GPHN: variants seen among roughly 807,000 people sequenced by gnomAD.
GPHN encodes the protein gephyrin.
Under a neutral mutation model 95.5 loss-of-function variants are expected in GPHN, and 17 were observed. That is an observed-to-expected ratio of 0.18 (90% CI 0.12 to 0.27). GPHN has a LOEUF of 0.27. Ranked by LOEUF, GPHN falls within the 10% of genes least tolerant of loss-of-function variation. The pLI, the probability that GPHN is intolerant of heterozygous loss-of-function variation, is 1.00. For missense variants in GPHN, 660 were observed against 978.1 expected (o/e 0.67, Z 4.34); for synonymous variants, 320 against 322.5 (o/e 0.99, Z 0.08).
Position 66,987,885 on chromosome 14 carries a change from G to A in GPHN, c.963+22560G>A, listed in dbSNP as rs544332151. ...ATTTTTAAAAGGAAAAAGGAAAACC[G>A]AAAAGAGAACAAGTTGCTTTTTCAA... On this transcript the variant is annotated intron_variant, in intron 9 of 22. Coordinates refer to ENST00000478722, the MANE Select transcript of GPHN (RefSeq NM_020806.5). Among the ~76,000 whole-genome samples the A allele has an allele frequency of 4.6e-5, 7 of 152,162 alleles. No individual in the cohort carries two copies. The South Asian group carries it at 1.0e-3, about 23-fold the overall frequency.
intron 1 of GPHN, among the ~76,000 whole-genome samples, chr14:66,517,095 T>C (rs1159634448): frequency 1.7e-5 from 2 of 117,854 alleles, no homozygotes; most frequent in African/African-American, 6.8e-5. Context: ...GCCACTGTAC[T>C]CCAGCCTGGC....
rs2057894113 is a variant in GPHN, at chr14:66,508,684, G to A, written c.64+93G>A. The A allele has an allele frequency of 5.2e-6, 6 of 1,143,270 alleles. 1 individual carries two copies. In the Middle Eastern group the frequency reaches 5.8e-4, roughly 111 times the overall value. The allele number at this position is 1,143,270 out of a possible 1,614,324, so 70.8% of individuals were successfully genotyped here. On this transcript the variant is annotated intron_variant, in intron 1 of 22. Transcript: ENST00000478722. ...GTGGTGGCCCTTCTCTGCGGCCTCG[G>A]GAGGAGGGAAGGCTGAAGAAGGGAA... is the stretch of plus-strand genomic sequence containing the variant.
chr14:66,595,271 A>G (rs1474229802), intron 1 of GPHN, among the ~76,000 whole-genome samples: 11 of 152,238 alleles, frequency 7.2e-5, no homozygotes, highest in Non-Finnish European at 1.3e-4. Context: ...TAGAACTATC[A>G]TGTCATCCAA....
the GPHN span, chr14:67,650,614 CTT>C: frequency 1.1e-5 from 12 of 1,085,760 alleles, no homozygotes; most frequent in South Asian, 4.0e-5. Context: ...AAAATGGACT[CTT>C]GTTTTTACTT....
At chr14:67,367,835 CAA>C in the GPHN span, among the ~76,000 whole-genome samples, 8 of 130,936 alleles carry the variant, frequency 6.1e-5, no homozygotes, top group Non-Finnish European at 9.9e-5. Flanking sequence ...GACCTTGTCT[CAA>C]AAAAAAAAAA....
chr14:66,996,285 AT>A, intron 9 of GPHN: 1 of 1,044,826 alleles, frequency 9.6e-7, no homozygotes, highest in Non-Finnish European at 1.4e-6. Flanking sequence ...TTCTCATTTT[AT>A]TTTCCTTTCG....
chr14:66,874,940 C>T (rs2064232157), intron 4 of GPHN, among the ~76,000 whole-genome samples: 1 of 152,008 alleles, frequency 6.6e-6, no homozygotes, highest in African/African-American at 2.4e-5. Flanking sequence ...GAGAGCAACC[C>T]CAAGACACAT....
chr14:67,523,869 ATG>A, the GPHN span, among the ~76,000 whole-genome samples: 1 of 152,008 alleles, frequency 6.6e-6, no homozygotes, highest in Non-Finnish European at 1.5e-5. Flanking sequence ...ATGGGCAGTA[ATG>A]TCAGGTATAG....
chr14:67,669,738 T>C, the GPHN span, among the ~76,000 whole-genome samples: 68,395 of 152,008 alleles, frequency 0.45, 17,935 homozygotes, highest in Non-Finnish European at 0.61. Context: ...AGTGAAAAAA[T>C]GCAGACACCC....
At chr14:66,772,351 G>T (rs746625607) in intron 2 of GPHN, among the ~76,000 whole-genome samples, 2 of 152,198 alleles carry the variant, frequency 1.3e-5, no homozygotes, top group East Asian at 1.9e-4. Context: ...TTTAATCTTT[G>T]ACCTCGTGGT....
chr14:67,121,766 A>G (rs1400022172), intron 16 of GPHN, among the ~76,000 whole-genome samples: 1 of 152,318 alleles, frequency 6.6e-6, no homozygotes, highest in African/African-American at 2.4e-5. Flanking sequence ...TCTCCTTCAC[A>G]TAAGCTTAGC....
the GPHN span, chr14:67,578,519 C>T: frequency 6.3e-7 from 1 of 1,582,604 alleles, no homozygotes; most frequent in Non-Finnish European, 8.6e-7. This position sits in a 1 kb window ranked among gnomAD's most constrained non-coding sequence, Gnocchi z 5.0. Flanking sequence ...CCCACGCTGT[C>T]TGTGTCCCTG....
chr14:66,924,762 A>C (rs2066397518), intron 8 of GPHN, among the ~76,000 whole-genome samples: 1 of 152,044 alleles, frequency 6.6e-6, no homozygotes, highest in Non-Finnish European at 1.5e-5. Flanking sequence ...CTCTCATTAC[A>C]ACCATTGCAG....
At chr14:66,652,045 C>A (rs1040418992) in intron 1 of GPHN, among the ~76,000 whole-genome samples, 1 of 152,030 alleles carries the variant, frequency 6.6e-6, no homozygotes, top group African/African-American at 2.4e-5. Flanking sequence ...TAGTCCCTGG[C>A]GCCAAAAAGG....
chr14:66,855,569 G>A (rs1229760223), intron 4 of GPHN, among the ~76,000 whole-genome samples: 1 of 152,096 alleles, frequency 6.6e-6, no homozygotes, highest in Non-Finnish European at 1.5e-5. Flanking sequence ...TTGGCTATGG[G>A]GATAGTGCTG....
the GPHN span, among the ~76,000 whole-genome samples, chr14:67,625,985 G>A: frequency 1.4e-4 from 22 of 152,194 alleles, no homozygotes; most frequent in African/African-American, 4.8e-4. Flanking sequence ...CGGGTGTGGC[G>A]GCTTACACCT....
intron 8 of GPHN, among the ~76,000 whole-genome samples, chr14:66,961,111 C>G (rs114714451): frequency 1.5e-3 from 234 of 152,122 alleles, no homozygotes; most frequent in African/African-American, 5.2e-3. Context: ...ACAATTCTTT[C>G]AGAATAAGGT....
chr14:67,330,681 C>T, the GPHN span, among the ~76,000 whole-genome samples: 1 of 152,178 alleles, frequency 6.6e-6, no homozygotes, highest in Non-Finnish European at 1.5e-5. Flanking sequence ...TGGTCCCAAA[C>T]TCCCGACCTC....
chr14:66,954,059 AAGC>A (rs1428317042), intron 8 of GPHN, among the ~76,000 whole-genome samples: 4 of 151,810 alleles, frequency 2.6e-5, no homozygotes, highest in Non-Finnish European at 5.9e-5. Flanking sequence ...AAAAGGAAGA[AAGC>A]AGGAATTATG....
Sources: allele counts gnomAD v4.1 joint callset (sites outside exome capture counted in the v4.1 genomes callset), GRCh38; gene constraint gnomAD v4.1.1; non-coding constraint Gnocchi (gnomAD v3.1); transcripts MANE v1.5; gene names NCBI Gene and HGNC (gene_info 2026-07-23, HGNC 2026-07-21).